The following DGLUCY variants were observed in gnomAD, a reference collection of about 807,000 sequenced individuals.
The protein encoded by DGLUCY is D-glutamate cyclase, also known as D-glutamate cyclase, mitochondrial.
A neutral mutation model predicts 58.5 loss-of-function variants in DGLUCY; 58 were observed. The ratio of observed to expected loss-of-function variants is 0.99; its 90% CI spans 0.80 to 1.23. DGLUCY has a LOEUF of 1.23. Ranked by LOEUF, DGLUCY falls within the 50% of genes most tolerant of loss-of-function variation. DGLUCY has a pLI of 0.00. For missense variants in DGLUCY, 779 were observed against 784.7 expected (o/e 0.99, Z 0.09); for synonymous variants, 325 against 314.1 (o/e 1.03, Z -0.37).
intron 1 of DGLUCY, among the ~76,000 whole-genome samples, chr14:91,138,143 T>A (rs1445480000): frequency 1.3e-5 from 2 of 152,152 alleles, no homozygotes; most frequent in African/African-American, 4.8e-5. Context: ...GGCACTAAGG[T>A]AGTGTCCCCT....
chr14:91,064,827 T>G (rs2043795230), intron 1 of DGLUCY, among the ~76,000 whole-genome samples: 1 of 152,038 alleles, frequency 6.6e-6, no homozygotes, highest in Non-Finnish European at 1.5e-5. Flanking sequence ...TGGGTACCAC[T>G]GATGACAATA....
chr14:91,217,063 A>G (rs1886643462), intron 13 of DGLUCY, among the ~76,000 whole-genome samples: 1 of 152,146 alleles, frequency 6.6e-6, no homozygotes, highest in South Asian at 2.1e-4. Context: ...GGGGCTCCTC[A>G]AGGAGATGGG....
intron 9 of DGLUCY, among the ~76,000 whole-genome samples, chr14:91,194,601 C>T (rs2050096477): frequency 6.7e-6 from 1 of 149,872 alleles, no homozygotes; most frequent in South Asian, 2.1e-4. Flanking sequence ...AGTGCAGTGG[C>T]GCGATCTTGG....
intron 1 of DGLUCY, among the ~76,000 whole-genome samples, chr14:91,074,093 CAAAA>C (rs1183223393): frequency 5.0e-5 from 5 of 99,736 alleles, no homozygotes; most frequent in Non-Finnish European, 1.0e-4. Context: ...TCATCTCTAC[CAAAA>C]AAAAAAAATA....
chr14:91,171,606 G>A (rs1208048132), intron 5 of DGLUCY, among the ~76,000 whole-genome samples: 1 of 152,218 alleles, frequency 6.6e-6, no homozygotes, highest in Non-Finnish European at 1.5e-5. Context: ...CAGCCACACC[G>A]AGGTTCCATC....
chr14:91,202,685 A>C (rs72699634), intron 11 of DGLUCY, among the ~76,000 whole-genome samples: 12,116 of 152,144 alleles, frequency 0.08, 549 homozygotes, highest in South Asian at 0.16. Flanking sequence ...CTGTGGCTAC[A>C]GGGGCAAACA....
At chr14:91,106,667 A>G (rs1271563006), upstream of DGLUCY, among the ~76,000 whole-genome samples, 2 of 150,838 alleles carry the variant, frequency 1.3e-5, no homozygotes, top group African/African-American at 2.4e-5. Context: ...AGATTGCTCC[A>G]CTGCACTCCA....
chr14:91,135,452 C>T (rs995701967), intron 1 of DGLUCY, among the ~76,000 whole-genome samples: 13 of 152,004 alleles, frequency 8.6e-5, no homozygotes, highest in African/African-American at 7.3e-5. Flanking sequence ...GAGTTTGAGG[C>T]CAGCCTGGCC....
chr14:91,138,975 C>T (rs1412149242), intron 1 of DGLUCY, among the ~76,000 whole-genome samples: 4 of 152,236 alleles, frequency 2.6e-5, no homozygotes, highest in East Asian at 1.9e-4. Context: ...TAGGCTTCCA[C>T]GACACATGCA....
Position 91,169,687 on chromosome 14 carries a change from G to A in DGLUCY, c.258-316G>A, listed in dbSNP as rs185852023. 2.6e-3 allele frequency among the ~76,000 whole-genome samples: 396 copies of A among 151,724 alleles called. 2 individuals are homozygous for A. Among genetic ancestry groups the A allele is most frequent in the Non-Finnish European group, 4.2e-3 (285 of 67,924 alleles). On this transcript the variant is annotated intron_variant, in intron 4 of 13. Transcript: ENST00000256324. The stretch of plus-strand genomic sequence containing the variant: ...GGCCTCCCAAAGTGCTGGGATTACA[G>A]TCATGAGCCACCGTGCCTGGCCACC...
At chr14:91,212,066 G>A (rs920147738) in intron 12 of DGLUCY, among the ~76,000 whole-genome samples, 4 of 152,186 alleles carry the variant, frequency 2.6e-5, no homozygotes, top group Admixed American at 6.5e-5. Context: ...GCCTCTGAAA[G>A]TGCTGGGATT....
intron 1 of DGLUCY, among the ~76,000 whole-genome samples, chr14:91,134,440 C>CT (rs960149078): frequency 4.4e-3 from 630 of 144,298 alleles, no homozygotes; most frequent in Middle Eastern, 0.011. Flanking sequence ...AATTACATTT[C>CT]TTTTTTTTTT....
intron 9 of DGLUCY, among the ~76,000 whole-genome samples, chr14:91,191,815 C>A (rs1311940978): frequency 6.6e-6 from 1 of 152,058 alleles, no homozygotes; most frequent in Admixed American, 6.6e-5. Flanking sequence ...AGGTTTTTGT[C>A]CTGGTAACTG....
At chr14:91,200,835 G>A (rs756877915) in intron 11 of DGLUCY, among the ~76,000 whole-genome samples, 4 of 152,172 alleles carry the variant, frequency 2.6e-5, no homozygotes, top group Admixed American at 6.5e-5. Context: ...GGCTGAGTCC[G>A]AAAAAGGAGT....
At chr14:91,167,543 C>T in intron 4 of DGLUCY, 165 bp downstream of exon 4, 3 of 873,230 alleles carry the variant, frequency 3.4e-6, no homozygotes, top group Non-Finnish European at 5.6e-6. Flanking sequence ...GCCCTCCCCA[C>T]TGTTCTGACT....
Position 91,095,362 on chromosome 14 carries a change from A to T in DGLUCY, c.-82+34658A>T, listed in dbSNP as rs151164816. Among the ~76,000 whole-genome samples the T allele has an allele frequency of 4.3e-3, 654 of 152,044 alleles. 8 individuals are homozygous for T. Among genetic ancestry groups the T allele is most frequent in the African/African-American group, 0.015 (620 of 41,460 alleles). ...GTTCTCAGGGTCGGCAGAGGCTGCC[A>T]CTCTGCCTGTGCCCTGTCCTTGCCT... On this transcript the variant is annotated intron_variant, in intron 1 of 4. Coordinates refer to the DGLUCY transcript ENST00000521334.
At chr14:91,217,000 T>G (rs1241682792) in intron 13 of DGLUCY, among the ~76,000 whole-genome samples, 1 of 152,218 alleles carries the variant, frequency 6.6e-6, no homozygotes, top group East Asian at 1.9e-4. Flanking sequence ...CATGGCCCTC[T>G]TAGAGCAAGC....
intron 5 of DGLUCY, among the ~76,000 whole-genome samples, chr14:91,172,867 G>A (rs10144202): frequency 0.06 from 9,099 of 152,090 alleles, 330 homozygotes; most frequent in Middle Eastern, 0.13. Context: ...GGCTGGTCTC[G>A]AACTCCTGAC....
intron 1 of DGLUCY, among the ~76,000 whole-genome samples, chr14:91,079,211 G>A (rs2044083555): frequency 6.6e-6 from 1 of 151,878 alleles, no homozygotes; most frequent in East Asian, 1.9e-4. Context: ...GCCTTATTTT[G>A]TGTTTTTTCA....
Sources: gnomAD v4.1 joint callset for allele counts (sites outside exome capture counted in the v4.1 genomes callset) on GRCh38, gnomAD v4.1.1 for gene constraint, MANE v1.5 for transcripts, NCBI Gene and HGNC (gene_info 2026-07-23, HGNC 2026-07-21) for gene names.